Variants in MAD1L1 observed in about 807,000 individuals in gnomAD.
MAD1L1 encodes mitotic spindle assembly checkpoint protein MAD1.
In MAD1L1, 95 loss-of-function variants were observed where a neutral mutation model predicts 96.9. The ratio of observed to expected loss-of-function variants is 0.98; its 90% CI spans 0.83 to 1.16. The LOEUF is 1.16. Ranked by LOEUF, MAD1L1 falls within the 50% of genes most tolerant of loss-of-function variation. The pLI is 0.00. For missense variants in MAD1L1, 1,007 were observed against 954.4 expected (o/e 1.06, Z -0.73); for synonymous variants, 473 against 396.6 (o/e 1.19, Z -2.29).
intron 12 of MAD1L1, among the ~76,000 whole-genome samples, chr7:2,043,096 T>C (rs1783764497): frequency 6.6e-6 from 1 of 152,226 alleles, no homozygotes; most frequent in South Asian, 2.1e-4. Flanking sequence ...TATGCGAAGA[T>C]ATTTCCACGC....
chr7:1,909,997 G>T (rs1297385767), intron 17 of MAD1L1, among the ~76,000 whole-genome samples: 1 of 152,136 alleles, frequency 6.6e-6, no homozygotes, highest in Non-Finnish European at 1.5e-5. Context: ...TGTGATTAAC[G>T]ACTTACTCCA....
chr7:2,188,721 ATAAAACTCT>A (rs755234138), intron 10 of MAD1L1, among the ~76,000 whole-genome samples: 9 of 152,204 alleles, frequency 5.9e-5, no homozygotes, highest in Non-Finnish European at 8.8e-5. Flanking sequence ...ACCTAAAACT[ATAAAACTCT>A]TAGAAAAAAA....
At chr7:1,975,980 G>A (rs1562576040) in intron 15 of MAD1L1, among the ~76,000 whole-genome samples, 1 of 152,228 alleles carries the variant, frequency 6.6e-6, no homozygotes, top group Non-Finnish European at 1.5e-5. Flanking sequence ...ACAGCAGAGA[G>A]GACGGGCTCA....
rs1035664145 is a variant in MAD1L1 at position 2,084,779 on chromosome 7, G to C, written c.1074-15441C>G. On this transcript the variant is annotated intron_variant, in intron 11 of 18. Coordinates refer to ENST00000265854, the MANE Select transcript of MAD1L1 (RefSeq NM_001013836.2). Reference sequence around the variant, plus strand: ...GAGCCACCAGAGCCAGACTGGGGCAGGGAGGAGAAAAAGGAAGGAGCCGTG... The same window carrying C: ...GAGCCACCAGAGCCAGACTGGGGCACGGAGGAGAAAAAGGAAGGAGCCGTG... 1.1e-4 allele frequency among the ~76,000 whole-genome samples: 17 copies of C among 152,328 alleles called. 1 individual carries two copies. In the South Asian group the frequency reaches 2.5e-3, roughly 22 times the overall value.
rs144144850 is a variant in MAD1L1 at position 1,987,552 on chromosome 7, G to A, written c.1417-7011C>T. Among the ~76,000 whole-genome samples the A allele has an allele frequency of 5.3e-5, 8 of 152,054 alleles. No individual in the cohort carries two copies. In the East Asian group the frequency reaches 1.4e-3, roughly 26 times the overall value. ...CGTGTAGACATATCAGTATTTAAGG[G>A]AAGGAAAGCCATCGGGGAGGGGGGG... On this transcript the variant is annotated intron_variant, in intron 14 of 18. Coordinates refer to ENST00000265854, the MANE Select transcript of MAD1L1 (RefSeq NM_001013836.2).
rs138904910 is a variant in MAD1L1, at chr7:2,220,994, C to G, written c.472-1538G>C. 3.3e-5 allele frequency: 53 copies of G among 1,612,462 alleles called. No individual in the cohort carries two copies. In the African/African-American group the frequency reaches 5.3e-4, roughly 16 times the overall value. ...CAAGGAAGAGGCGCATAAGATAATT[C>G]CAGAGTAAGGAGCGTGACAATCAGG... On this transcript the variant is annotated intron_variant, in intron 5 of 18. Transcript: ENST00000265854.
intron 17 of MAD1L1, among the ~76,000 whole-genome samples, chr7:1,911,639 T>G (rs1398679937): frequency 6.6e-6 from 1 of 152,142 alleles, no homozygotes; most frequent in East Asian, 1.9e-4. Context: ...CACCTCCAGA[T>G]GAGGCCCCTC....
chr7:1,962,647 G>A (rs2128475879), intron 15 of MAD1L1, among the ~76,000 whole-genome samples: 2 of 152,212 alleles, frequency 1.3e-5, no homozygotes, highest in East Asian at 3.9e-4. Context: ...CAAAAAAACA[G>A]GTGCTTTACC....
chr7:1,881,395 A>C (rs1195299111), intron 18 of MAD1L1, among the ~76,000 whole-genome samples: 1 of 152,226 alleles, frequency 6.6e-6, no homozygotes, highest in Admixed American at 6.5e-5. Context: ...TAATTTATCC[A>C]ATTAATTAAT....
intron 18 of MAD1L1, among the ~76,000 whole-genome samples, chr7:1,857,219 C>T (rs933149300): frequency 6.6e-6 from 1 of 152,234 alleles, no homozygotes; most frequent in Non-Finnish European, 1.5e-5. Context: ...AGGATTTCAT[C>T]AGCAGCCCCA....
rs1349579765 is a variant in MAD1L1 at position 2,211,379 on chromosome 7, G to A, written c.986+1833C>T. On this transcript the variant is annotated intron_variant, in intron 10 of 18. Transcript: ENST00000265854. ...TCAGATGCGGGAACAGGGCTGAAAGGATCCACAGTACTTTGAAACCAGCCA... is the reference window on the plus strand; with the variant it reads ...TCAGATGCGGGAACAGGGCTGAAAGAATCCACAGTACTTTGAAACCAGCCA... Among the ~76,000 whole-genome samples the A allele has an allele frequency of 2.0e-5, 3 of 152,228 alleles. No individual in the cohort carries two copies. In the East Asian group the frequency reaches 5.8e-4, roughly 29 times the overall value.
chr7:2,109,356 G>A (rs1340901289), intron 11 of MAD1L1: 2 of 152,276 alleles, frequency 1.3e-5, no homozygotes, highest in Non-Finnish European at 2.9e-5. Flanking sequence ...GCAGCCGCAG[G>A]GAACACGGCA....
At chr7:1,888,742 G>GC (rs1223191626) in intron 18 of MAD1L1, among the ~76,000 whole-genome samples, 1 of 148,976 alleles carries the variant, frequency 6.7e-6, no homozygotes, top group Non-Finnish European at 1.5e-5. Context: ...TGCATGGGTG[G>GC]GCATGTGTGA....
chr7:2,091,775 CAAAA>C (rs35981269), intron 11 of MAD1L1, among the ~76,000 whole-genome samples: 1 of 125,414 alleles, frequency 8.0e-6, no homozygotes, highest in African/African-American at 3.1e-5. Context: ...GACTCCATCT[CAAAA>C]AAAAAAAAAA....
intron 18 of MAD1L1, among the ~76,000 whole-genome samples, chr7:1,827,114 C>A (rs1365301463): frequency 4.6e-5 from 7 of 152,204 alleles, no homozygotes; most frequent in Non-Finnish European, 1.0e-4. Context: ...GCAGCCCCTG[C>A]TGTGAGTGGC....
intron 18 of MAD1L1, among the ~76,000 whole-genome samples, chr7:1,835,018 C>G (rs569553186): frequency 6.6e-6 from 1 of 151,420 alleles, no homozygotes; most frequent in African/African-American, 2.4e-5. Context: ...CCTAGAAAAT[C>G]AAAGTAATTC....
rs1778628213 is a variant in MAD1L1 at position 1,936,726 on chromosome 7, C to T, written c.1768G>A (p.Ala590Thr). ...RGGTVPADLE[A>T]AAASLPSSKE... ...GACGATGGCAGACTCGCGGCGGCAG[C>T]CTCAAGGTCGGCTGGGACGGTGCCT... Residue 590 changes from alanine (A) to threonine (T), a missense_variant, in exon 17 of 19, where the codon GCT becomes ACT. Physicochemically the swap from Ala to Thr is moderately conservative, Grantham distance 58. Transcript: ENST00000265854. The T allele has an allele frequency of 1.3e-6, 2 of 1,562,446 alleles. No individual in the cohort carries two copies. The highest frequency in any genetic ancestry group is 1.7e-6 in the Non-Finnish European group (2 of 1,154,612).
chr7:2,157,083 T>C (rs947173827), intron 10 of MAD1L1, among the ~76,000 whole-genome samples: 1 of 152,238 alleles, frequency 6.6e-6, no homozygotes, highest in African/African-American at 2.4e-5. Context: ...ACAAGAATTC[T>C]GGAAACTCGA....
chr7:2,148,903 C>A (rs1044951543), intron 11 of MAD1L1, among the ~76,000 whole-genome samples: 10 of 152,204 alleles, frequency 6.6e-5, no homozygotes, highest in Admixed American at 6.5e-5. Flanking sequence ...AACCCCCAGA[C>A]CCCATGGCAG....
Sources: gnomAD v4.1 joint callset for allele counts (sites outside exome capture counted in the v4.1 genomes callset) on GRCh38, gnomAD v4.1.1 for gene constraint, MANE v1.5 for transcripts, NCBI Gene and HGNC (gene_info 2026-07-23, HGNC 2026-07-21) for gene names.